The following OCA2 variants were observed in gnomAD, a reference collection of about 807,000 sequenced individuals.
The protein encoded by OCA2 is P protein.
In OCA2, 77 loss-of-function variants were observed where a neutral mutation model predicts 100.2. The observed-to-expected ratio is 0.77, with a 90% CI of 0.64 to 0.93. OCA2 has a LOEUF of 0.93. Among genes scored for constraint, OCA2 ranks in the 40% least tolerant of loss-of-function variants. OCA2 has a pLI of 0.00. For synonymous variants in OCA2, 432 were observed against 439.2 expected (o/e 0.98, Z 0.21); for missense variants, 1,062 against 1,089.1 (o/e 0.98, Z 0.35).
chr15:28,094,267 C>A (rs2141971350), intron 1 of OCA2, among the ~76,000 whole-genome samples: 1 of 152,318 alleles, frequency 6.6e-6, no homozygotes, highest in Non-Finnish European at 1.5e-5. Flanking sequence ...CAGCCCGTGG[C>A]TGCACTCTCA....
intron 5 of OCA2, among the ~76,000 whole-genome samples, 179 bp from the exon 6 acceptor site, chr15:28,022,752 G>A (rs2042634262): frequency 6.6e-6 from 1 of 152,156 alleles, no homozygotes; most frequent in Non-Finnish European, 1.5e-5. Flanking sequence ...TCATTACAGT[G>A]TTCAGCTACA....
At chr15:27,774,226 G>T (rs1387420343) in intron 23 of OCA2, among the ~76,000 whole-genome samples, 23 of 152,190 alleles carry the variant, frequency 1.5e-4, no homozygotes, top group Admixed American at 1.5e-3. Context: ...CACTGTGGGG[G>T]GCCAGTGAAG....
intron 23 of OCA2, among the ~76,000 whole-genome samples, chr15:27,796,308 G>C (rs2033329934): frequency 6.6e-6 from 1 of 152,270 alleles, no homozygotes; most frequent in Non-Finnish European, 1.5e-5. Context: ...GGCAGAGAGA[G>C]CAGTGACGAC....
downstream of OCA2, among the ~76,000 whole-genome samples, chr15:27,751,925 G>A (rs2030078160): frequency 6.6e-6 from 1 of 152,228 alleles, no homozygotes; most frequent in Admixed American, 6.5e-5. Context: ...CACAAGCCAA[G>A]GGCTATCTGA....
chr15:28,097,739 G>A (rs1352731591), intron 1 of OCA2, among the ~76,000 whole-genome samples: 1 of 152,160 alleles, frequency 6.6e-6, no homozygotes, highest in East Asian at 1.9e-4. Flanking sequence ...CCTTTCCCAG[G>A]GGCCCACTGA....
chr15:27,762,282 T>A (rs182133035), intron 23 of OCA2, among the ~76,000 whole-genome samples: 2 of 152,012 alleles, frequency 1.3e-5, no homozygotes, highest in East Asian at 3.9e-4. Context: ...ACCTCCACTA[T>A]GGTATTTTTC....
chr15:27,867,963 G>A (rs2036389085), intron 21 of OCA2, among the ~76,000 whole-genome samples: 1 of 152,134 alleles, frequency 6.6e-6, no homozygotes, highest in Admixed American at 6.5e-5. Flanking sequence ...TCTCCTCAGG[G>A]AGCTGCCTTC....
Position 27,989,733 on chromosome 15 carries a change from G to GC in OCA2, c.1117-68dup. On this transcript the variant is annotated intron_variant, in intron 10 of 23. Coordinates refer to ENST00000354638, the MANE Select transcript of OCA2 (RefSeq NM_000275.3). ...CCATCCCAGTGATGAGCCTAATGAA[G>GC]CGCTGCCCCCTGCTGCAGACCCACT... 6.3e-6 allele frequency: 9 copies of GC among 1,433,544 alleles called. No individual in the cohort carries two copies. The South Asian group carries it at 1.1e-4, about 17-fold the overall frequency. The allele number at this position is 1,433,544 out of a possible 1,614,324, so 88.8% of individuals were successfully genotyped here. A position where few individuals can be genotyped will look rare whatever the true frequency, so the allele number is the denominator to read the frequency against.
At chr15:28,019,954 GCCTGCTGGAGGCT>G (rs1410511247) in intron 6 of OCA2, among the ~76,000 whole-genome samples, 21 of 152,204 alleles carry the variant, frequency 1.4e-4, no homozygotes, top group Non-Finnish European at 2.4e-4. Context: ...TTTCCAAGGA[GCCTGCTGGAGGCT>G]CAAATCAACC....
intron 9 of OCA2, among the ~76,000 whole-genome samples, chr15:28,003,012 G>A (rs1376938996): frequency 2.6e-5 from 4 of 152,212 alleles, no homozygotes; most frequent in Non-Finnish European, 2.9e-5. Context: ...TCCAGCATCC[G>A]AAACCTCCTG....
chr15:27,966,915 G>A lies in OCA2; in HGVS notation c.1504-93C>T, dbSNP rs2040589065. The A allele has an allele frequency of 6.6e-6, 9 of 1,370,144 alleles. No individual in the cohort carries two copies. In the South Asian group the frequency reaches 1.1e-4, roughly 17 times the overall value. The allele number at this position is 1,370,144 out of a possible 1,614,324, so 84.9% of individuals were successfully genotyped here. On this transcript the variant is annotated intron_variant, in intron 14 of 23. Coordinates refer to ENST00000354638, the MANE Select transcript of OCA2 (RefSeq NM_000275.3). Reference sequence around the variant, plus strand: ...CTTTCCGAGGTGGGTGGATCACGAGGTCCGGAGATGGAGACCATCCTGGCT... The same window carrying A: ...CTTTCCGAGGTGGGTGGATCACGAGATCCGGAGATGGAGACCATCCTGGCT...
chr15:27,984,855 C>T (rs2041293438), intron 13 of OCA2, among the ~76,000 whole-genome samples: 1 of 152,214 alleles, frequency 6.6e-6, no homozygotes, highest in Non-Finnish European at 1.5e-5. Flanking sequence ...GGCATTTCTG[C>T]CACCAGCTTC....
intron 18 of OCA2, among the ~76,000 whole-genome samples, chr15:27,943,292 A>G (rs1447378165): frequency 1.3e-5 from 2 of 152,230 alleles, no homozygotes; most frequent in Non-Finnish European, 2.9e-5. Context: ...ACATTAAAAC[A>G]GGGATCTTCA....
At chr15:27,870,613 C>T (rs115656039) in intron 21 of OCA2, among the ~76,000 whole-genome samples, 5,148 of 151,502 alleles carry the variant, frequency 0.034, 286 homozygotes, top group African/African-American at 0.12. Context: ...CTTTTGCCTC[C>T]GCCGCAAATG....
chr15:27,837,912 T>C (rs1023369004), intron 23 of OCA2, among the ~76,000 whole-genome samples: 1 of 149,124 alleles, frequency 6.7e-6, no homozygotes, highest in Non-Finnish European at 1.5e-5. Flanking sequence ...AAAAAAGCTG[T>C]TACAGAGACT....
At chr15:27,913,850 A>AG (rs2038510373) in intron 19 of OCA2, among the ~76,000 whole-genome samples, 1 of 34,958 alleles carries the variant, frequency 2.9e-5, no homozygotes, top group Non-Finnish European at 4.7e-5. Flanking sequence ...AAAGAAAGAA[A>AG]GAAAGAAAGA....
At chr15:27,931,949 A>T (rs575229799) in intron 18 of OCA2, among the ~76,000 whole-genome samples, 5 of 152,290 alleles carry the variant, frequency 3.3e-5, no homozygotes, top group Admixed American at 1.3e-4. Flanking sequence ...TCTGTATGCC[A>T]CTTTTGGAAA....
intron 23 of OCA2, among the ~76,000 whole-genome samples, chr15:27,825,938 T>C (rs540316774): frequency 1.3e-5 from 2 of 152,350 alleles, no homozygotes; most frequent in Non-Finnish European, 2.9e-5. Flanking sequence ...TCCTTCTAAA[T>C]TAGATCATAT....
intron 19 of OCA2, among the ~76,000 whole-genome samples, chr15:27,922,219 G>A (rs1002958009): frequency 1.3e-5 from 2 of 152,160 alleles, no homozygotes; most frequent in African/African-American, 4.8e-5. Flanking sequence ...AGCACTTCCA[G>A]CATCACTAAT....
Sources: allele counts gnomAD v4.1 joint callset (sites outside exome capture counted in the v4.1 genomes callset), GRCh38; gene constraint gnomAD v4.1.1; transcripts MANE v1.5; gene names NCBI Gene and HGNC (gene_info 2026-07-23, HGNC 2026-07-21).